Variants in FSTL5 observed in about 807,000 individuals in gnomAD.
FSTL5 encodes follistatin like 5, also known as follistatin-related protein 5.
Under a neutral mutation model 89.1 loss-of-function variants are expected in FSTL5, and 62 were observed. That is an observed-to-expected ratio of 0.70 (90% CI 0.57 to 0.86). FSTL5 has a LOEUF of 0.86. Ranked by LOEUF, FSTL5 falls within the 40% of genes least tolerant of loss-of-function variation. The pLI is 0.00. For synonymous variants in FSTL5, 383 were observed against 346.2 expected (o/e 1.11, Z -1.18); for missense variants, 1,057 against 1,001.6 (o/e 1.06, Z -0.75).
At chr4:162,067,219 A>C (rs1023480405) in intron 2 of FSTL5, among the ~76,000 whole-genome samples, 1 of 151,926 alleles carries the variant, frequency 6.6e-6, no homozygotes, top group Non-Finnish European at 1.5e-5. Context: ...ACACCCAACA[A>C]ATTTTTGTAT....
chr4:161,769,060 C>T (rs1452450501), intron 5 of FSTL5, among the ~76,000 whole-genome samples: 1 of 151,834 alleles, frequency 6.6e-6, no homozygotes, highest in African/African-American at 2.4e-5. Context: ...CCCCTATGAG[C>T]AACTATATGC....
At chr4:162,131,269 T>A (rs1732290292) in intron 1 of FSTL5, among the ~76,000 whole-genome samples, 1 of 152,228 alleles carries the variant, frequency 6.6e-6, no homozygotes, top group African/African-American at 2.4e-5. Context: ...TGATTTCTCA[T>A]TGGAGGATAT....
intron 15 of FSTL5, among the ~76,000 whole-genome samples, chr4:161,419,929 G>A (rs551840088): frequency 1.6e-4 from 24 of 152,308 alleles, no homozygotes; most frequent in African/African-American, 5.5e-4. Flanking sequence ...AGTTAAAACT[G>A]TCACAAGGCC....
In FSTL5 at chr4:161,872,141, G is replaced by GTTTTTTT. The variant is rs1171950770; in HGVS notation, c.409+48256_409+48262dup. The stretch of plus-strand genomic sequence containing the variant: ...GCTTTGTAGTTTGTTTTTTTTTTTG[G>GTTTTTTT]TTTTTTTTTTTTTTTTTGTAGAGAC... On this transcript the variant is annotated intron_variant, in intron 4 of 15. Coordinates refer to ENST00000306100, the MANE Select transcript of FSTL5 (RefSeq NM_020116.5). Among the ~76,000 whole-genome samples the GTTTTTTT allele has an allele frequency of 1.0e-3, 83 of 79,546 alleles. 4 individuals are homozygous for GTTTTTTT. Among genetic ancestry groups the GTTTTTTT allele is most frequent in the African/African-American group, 4.0e-3 (74 of 18,686 alleles). The allele number at this position is 79,546 out of a possible 152,430, so 52.2% of individuals were successfully genotyped here.
chr4:161,846,975 T>C (rs1731387798), intron 4 of FSTL5, among the ~76,000 whole-genome samples: 1 of 152,208 alleles, frequency 6.6e-6, no homozygotes, highest in South Asian at 2.1e-4. Flanking sequence ...CCACATGTGA[T>C]GTTCTAATAA....
At chr4:161,570,840 G>C (rs962045592) in intron 8 of FSTL5, among the ~76,000 whole-genome samples, 2 of 152,168 alleles carry the variant, frequency 1.3e-5, no homozygotes, top group African/African-American at 4.8e-5. Flanking sequence ...AGGGAGCCGG[G>C]TGTGGTGGTT....
chr4:161,993,190 C>T (rs1225622147), intron 3 of FSTL5, among the ~76,000 whole-genome samples: 1 of 151,162 alleles, frequency 6.6e-6, no homozygotes, highest in Non-Finnish European at 1.5e-5. Flanking sequence ...TGGTTGTATA[C>T]AAATCAAAAA....
chr4:161,759,902 C>A (rs1271778332), intron 5 of FSTL5, among the ~76,000 whole-genome samples: 3 of 151,862 alleles, frequency 2.0e-5, no homozygotes, highest in Non-Finnish European at 4.4e-5. Flanking sequence ...TCTCGGTGAC[C>A]TATGTCAAAA....
At chr4:161,812,875 C>G (rs1359536494) in intron 4 of FSTL5, among the ~76,000 whole-genome samples, 2 of 10,726 alleles carry the variant, frequency 1.9e-4, no homozygotes, top group Admixed American at 5.0e-3. Flanking sequence ...ATCCTAAATC[C>G]CAGCAAAAAA....
intron 4 of FSTL5, among the ~76,000 whole-genome samples, chr4:161,909,030 T>C (rs1288749105): frequency 2.0e-5 from 3 of 152,176 alleles, no homozygotes; most frequent in East Asian, 1.9e-4. Flanking sequence ...GCTTCCCAAA[T>C]ACCCAGGAAA....
intron 3 of FSTL5, among the ~76,000 whole-genome samples, chr4:161,980,284 AG>A (rs1735788159): frequency 6.6e-6 from 1 of 151,528 alleles, no homozygotes; most frequent in South Asian, 2.1e-4. Flanking sequence ...AAAGAAAGAA[AG>A]AAAGAGAAAG....
At chr4:161,812,251 T>TA (rs1394515513) in intron 4 of FSTL5, among the ~76,000 whole-genome samples, 3 of 152,216 alleles carry the variant, frequency 2.0e-5, no homozygotes, top group Non-Finnish European at 2.9e-5. Context: ...CAAACATTCT[T>TA]AGAGATATTT....
chr4:161,619,213 G>T (rs370186854), intron 7 of FSTL5, among the ~76,000 whole-genome samples: 10 of 151,940 alleles, frequency 6.6e-5, no homozygotes, highest in East Asian at 3.9e-4. Flanking sequence ...AGACTTAAAC[G>T]TTAGACCTAA....
At chr4:161,838,600 T>C (rs1021043314) in intron 4 of FSTL5, among the ~76,000 whole-genome samples, 2 of 152,116 alleles carry the variant, frequency 1.3e-5, no homozygotes, top group African/African-American at 4.8e-5. Flanking sequence ...GTTTTCTTAT[T>C]CCTAAATTTT....
At chr4:161,416,584 C>A (rs62325051) in intron 15 of FSTL5, among the ~76,000 whole-genome samples, 12,190 of 152,194 alleles carry the variant, frequency 0.08, 621 homozygotes, top group Non-Finnish European at 0.12. Flanking sequence ...GTGGCTCACA[C>A]CTGTGATCCC....
At position 161,671,005 on chromosome 4, in the gene FSTL5, C is replaced by T. The variant is rs143240854; in HGVS notation, c.728-14511G>A. ...TGCACAGGTCAAAAGCTTCACAACACTGATGAACAGAAAATTACAAAAAAG... is the reference window on the plus strand; with the variant it reads ...TGCACAGGTCAAAAGCTTCACAACATTGATGAACAGAAAATTACAAAAAAG... On this transcript the variant is annotated intron_variant, in intron 6 of 15. Transcript: ENST00000306100. Among the ~76,000 whole-genome samples the T allele has an allele frequency of 6.0e-3, 918 of 152,292 alleles. 9 individuals carry two copies. Among genetic ancestry groups the T allele is most frequent in the South Asian group, 0.046 (220 of 4,828 alleles).
intron 6 of FSTL5, among the ~76,000 whole-genome samples, chr4:161,671,878 A>G (rs1043790629): frequency 6.6e-5 from 10 of 152,264 alleles, no homozygotes; most frequent in African/African-American, 2.2e-4. Flanking sequence ...TAGAAGAACT[A>G]TCATTCCTTC....
At chr4:162,140,652 T>C (rs1001210079) in intron 1 of FSTL5, among the ~76,000 whole-genome samples, 3 of 152,142 alleles carry the variant, frequency 2.0e-5, no homozygotes, top group African/African-American at 4.8e-5. Flanking sequence ...GACTGATGTA[T>C]TGATAATACA....
intron 15 of FSTL5, among the ~76,000 whole-genome samples, chr4:161,397,252 G>A (rs1731036153): frequency 6.6e-6 from 1 of 151,810 alleles, no homozygotes; most frequent in South Asian, 2.1e-4. Context: ...ATATATACAT[G>A]CACATAAAAA....
Sources: allele counts gnomAD v4.1 joint callset (sites outside exome capture counted in the v4.1 genomes callset), GRCh38; gene constraint gnomAD v4.1.1; transcripts MANE v1.5; gene names NCBI Gene and HGNC (gene_info 2026-07-23, HGNC 2026-07-21).